MAGI2: variants seen among roughly 807,000 people sequenced by gnomAD.
The protein encoded by MAGI2 is membrane associated guanylate kinase, WW and PDZ domain containing 2, also known as membrane-associated guanylate kinase, WW and PDZ domain-containing protein 2.
In MAGI2, 35 loss-of-function variants were observed where a neutral mutation model predicts 133.3. The ratio of observed to expected loss-of-function variants is 0.26; its 90% CI spans 0.20 to 0.35. The LOEUF is 0.35. Ranked by LOEUF, MAGI2 falls within the 10% of genes least tolerant of loss-of-function variation. MAGI2 has a pLI of 1.00. For missense variants in MAGI2, 1,636 were observed against 1,863.4 expected (o/e 0.88, Z 2.25); for synonymous variants, 729 against 710.6 (o/e 1.03, Z -0.41).
At chr7:78,087,068 A>G (rs147259135) in intron 20 of MAGI2, among the ~76,000 whole-genome samples, 60 of 152,248 alleles carry the variant, frequency 3.9e-4, no homozygotes, top group Admixed American at 6.5e-4. Flanking sequence ...TTAGGAACCA[A>G]ACTTCAGGGA....
intron 1 of MAGI2, among the ~76,000 whole-genome samples, chr7:79,212,482 A>G (rs1391229092): frequency 1.3e-5 from 2 of 152,082 alleles, no homozygotes; most frequent in Non-Finnish European, 2.9e-5. Flanking sequence ...GAGAGTTACT[A>G]TTTCCTCAAA....
chr7:78,721,800 C>T (rs970356015), intron 2 of MAGI2, among the ~76,000 whole-genome samples: 2 of 151,540 alleles, frequency 1.3e-5, no homozygotes, highest in Non-Finnish European at 3.0e-5. Flanking sequence ...ATTTATAAAC[C>T]CAAACATAAA....
At chr7:78,178,640 T>A (rs187735904) in intron 13 of MAGI2, among the ~76,000 whole-genome samples, 2 of 152,164 alleles carry the variant, frequency 1.3e-5, no homozygotes, top group East Asian at 3.9e-4. Context: ...ATAGAAGTTG[T>A]CTCTTTTAAA....
At chr7:78,082,370 C>T (rs1816074621) in intron 20 of MAGI2, among the ~76,000 whole-genome samples, 1 of 152,094 alleles carries the variant, frequency 6.6e-6, no homozygotes, top group Non-Finnish European at 1.5e-5. Flanking sequence ...TGCGTAAGGG[C>T]TGAGCTGAAG....
chr7:78,091,515 C>T (rs768467174), intron 20 of MAGI2, among the ~76,000 whole-genome samples: 5 of 152,168 alleles, frequency 3.3e-5, no homozygotes, highest in Non-Finnish European at 5.9e-5. Context: ...TTAAAGCATG[C>T]ATAGGGGCAC....
chr7:78,435,104 C>T (rs947580222), intron 6 of MAGI2, among the ~76,000 whole-genome samples: 1 of 152,112 alleles, frequency 6.6e-6, no homozygotes, highest in African/African-American at 2.4e-5. Context: ...TTGATTTAAC[C>T]TTTCTGTGCT....
chr7:79,106,087 T>C (rs1818427418), intron 1 of MAGI2, among the ~76,000 whole-genome samples: 1 of 152,296 alleles, frequency 6.6e-6, no homozygotes, highest in African/African-American at 2.4e-5. Context: ...GAGTCTAATA[T>C]AGCATGAATC....
At chr7:78,898,649 A>T (rs1249691645) in intron 2 of MAGI2, among the ~76,000 whole-genome samples, 4 of 152,082 alleles carry the variant, frequency 2.6e-5, no homozygotes, top group African/African-American at 9.7e-5. Context: ...ACTAGGGCCT[A>T]TCAGAGGATC....
chr7:78,653,803 G>T, intron 2 of MAGI2, among the ~76,000 whole-genome samples: 1 of 149,250 alleles, frequency 6.7e-6, no homozygotes, highest in Admixed American at 6.7e-5. Context: ...CAAGGATAAA[G>T]AATATTTAAT....
chr7:78,462,363 TAG>T (rs1174717817), intron 6 of MAGI2, among the ~76,000 whole-genome samples: 3 of 152,138 alleles, frequency 2.0e-5, no homozygotes, highest in African/African-American at 7.2e-5. Flanking sequence ...GGCATAAAAA[TAG>T]AGACAATGAA....
At chr7:78,246,888 C>T (rs144628109) in intron 10 of MAGI2, among the ~76,000 whole-genome samples, 2 of 152,346 alleles carry the variant, frequency 1.3e-5, no homozygotes, top group Non-Finnish European at 2.9e-5. Flanking sequence ...TAGCTACAAG[C>T]TGGCCCCCTG....
At chr7:79,274,486 G>A (rs1445325734) in intron 1 of MAGI2, among the ~76,000 whole-genome samples, 2 of 151,924 alleles carry the variant, frequency 1.3e-5, no homozygotes, top group African/African-American at 2.4e-5. Flanking sequence ...GGTTTTCCGT[G>A]AGGAACCAGA....
rs373755480 is a variant in MAGI2 at position 78,467,863 on chromosome 7, A to C, written c.1045+21898T>G. Among the ~76,000 whole-genome samples, 19 of 152,280 alleles carry C rather than the reference A, an allele frequency of 1.2e-4. No homozygotes were observed. In the South Asian group the frequency reaches 3.9e-3, roughly 32 times the overall value. Reference sequence around the variant, plus strand: ...ATAGCTATTTAAAAACAAAATTTAAAAAAAGGTCTATATAAATTGTCACAA... The same window carrying C: ...ATAGCTATTTAAAAACAAAATTTAACAAAAGGTCTATATAAATTGTCACAA... On this transcript the variant is annotated intron_variant, in intron 6 of 21. Transcript: ENST00000354212.
At chr7:78,126,196 G>A (rs965545550) in intron 19 of MAGI2, among the ~76,000 whole-genome samples, 3 of 116,646 alleles carry the variant, frequency 2.6e-5, no homozygotes, top group African/African-American at 8.2e-5. Flanking sequence ...AATGTCAGGT[G>A]TGTGTGTGTG....
chr7:78,278,234 C>T (rs941027298), intron 9 of MAGI2, among the ~76,000 whole-genome samples: 1 of 152,112 alleles, frequency 6.6e-6, no homozygotes, highest in African/African-American at 2.4e-5. Flanking sequence ...TGCCCTGATA[C>T]AGAGTACCAT....
chr7:78,315,552 C>G (rs928850027), intron 9 of MAGI2, among the ~76,000 whole-genome samples: 41 of 152,230 alleles, frequency 2.7e-4, no homozygotes, highest in African/African-American at 9.9e-4. Context: ...TCCTTGTTCG[C>G]ATACACCCAT....
intron 21 of MAGI2, among the ~76,000 whole-genome samples, chr7:78,066,461 T>TA (rs5885038): frequency 1.3e-3 from 190 of 146,640 alleles, no homozygotes; most frequent in African/African-American, 3.9e-3. Flanking sequence ...GACTCTGTCT[T>TA]AAAAAAAAAA....
At chr7:78,544,404 C>T (rs1798649346) in intron 3 of MAGI2, among the ~76,000 whole-genome samples, 1 of 152,142 alleles carries the variant, frequency 6.6e-6, no homozygotes, top group Admixed American at 6.6e-5. Context: ...TAGATGGGAG[C>T]AGCCAAAAGT....
At chr7:79,072,442 T>C (rs1352509358) in intron 1 of MAGI2, among the ~76,000 whole-genome samples, 1 of 152,202 alleles carries the variant, frequency 6.6e-6, no homozygotes, top group Admixed American at 6.5e-5. Flanking sequence ...CAATTTATTT[T>C]CAGTTAATTG....
Sources: gnomAD v4.1 joint callset for allele counts (sites outside exome capture counted in the v4.1 genomes callset) on GRCh38, gnomAD v4.1.1 for gene constraint, MANE v1.5 for transcripts, NCBI Gene and HGNC (gene_info 2026-07-23, HGNC 2026-07-21) for gene names.